Variants in PTPDC1 observed in about 807,000 individuals in gnomAD.
PTPDC1 encodes the protein protein tyrosine phosphatase domain-containing protein 1.
PTPDC1 carries 53 observed loss-of-function variants against 75.3 expected under a neutral mutation model. The observed-to-expected ratio is 0.70, with a 90% confidence interval of 0.56 to 0.88. The LOEUF (loss-of-function observed/expected upper bound fraction) is 0.88. Among genes scored for constraint, PTPDC1 ranks in the 40% least tolerant of loss-of-function variants. PTPDC1 has a pLI of 0.00. For missense variants in PTPDC1, 925 were observed against 998.6 expected (o/e 0.93, Z 0.99); for synonymous variants, 349 against 366.2 (o/e 0.95, Z 0.54).
chr9:94,087,785 T>G, intron 2 of PTPDC1, 46 bp from the exon 3 acceptor site: 2 of 1,387,648 alleles, frequency 1.4e-6, no homozygotes, highest in Non-Finnish European at 2.0e-6. Flanking sequence ...GGACTGGAAC[T>G]TCCTAGGTTT....
At chr9:94,073,605 C>T (rs1826586564) in intron 2 of PTPDC1, among the ~76,000 whole-genome samples, 1 of 152,036 alleles carries the variant, frequency 6.6e-6, no homozygotes, top group Non-Finnish European at 1.5e-5. Flanking sequence ...GACTTATGTT[C>T]TTATTTTTAT....
At chr9:94,056,448 A>G (rs1020123284) in intron 1 of PTPDC1, among the ~76,000 whole-genome samples, 2 of 152,226 alleles carry the variant, frequency 1.3e-5, no homozygotes, top group African/African-American at 4.8e-5. Flanking sequence ...AGAATGACCT[A>G]GAGTGTGAAT....
intron 2 of PTPDC1, among the ~76,000 whole-genome samples, chr9:94,074,398 C>G (rs1335818033): frequency 6.6e-6 from 1 of 152,102 alleles, no homozygotes; most frequent in Non-Finnish European, 1.5e-5. Flanking sequence ...GGGATAAGAT[C>G]AGCAACATGA....
intron 2 of PTPDC1, among the ~76,000 whole-genome samples, chr9:94,066,465 T>G (rs1826309804): frequency 6.6e-6 from 1 of 152,240 alleles, no homozygotes; most frequent in African/African-American, 2.4e-5. Context: ...AAAGTATTTA[T>G]TTTTAAAGGA....
In PTPDC1 at chr9:94,107,449, C is replaced by T. The variant is rs139652126; in HGVS notation, c.2311-379C>T. ...TCACTCTGACCCTGTCCAGAGTGGCCGTAGGGCCTCTCAGCAGGACGTATA... is the reference window on the plus strand; with the variant it reads ...TCACTCTGACCCTGTCCAGAGTGGCTGTAGGGCCTCTCAGCAGGACGTATA... On this transcript the variant is annotated intron_variant, in intron 8 of 8. Transcript: ENST00000620992. 5.3e-5 allele frequency among the ~76,000 whole-genome samples: 8 copies of T among 152,298 alleles called. No homozygotes were observed. The East Asian group carries it at 5.8e-4, about 11-fold the overall frequency.
chr9:94,043,896 G>A (rs531426639), intron 1 of PTPDC1, among the ~76,000 whole-genome samples: 1 of 152,278 alleles, frequency 6.6e-6, no homozygotes, highest in Admixed American at 6.5e-5. Flanking sequence ...CAGATGTCTT[G>A]CATCATTTGT....
chr9:94,094,833 C>T (rs150028569), intron 4 of PTPDC1, among the ~76,000 whole-genome samples: 11,513 of 152,270 alleles, frequency 0.076, 587 homozygotes, highest in East Asian at 0.14. Flanking sequence ...GGGAGTGACC[C>T]GACTTTCCAG....
At chr9:94,032,425 C>G (rs995216205) in intron 1 of PTPDC1, among the ~76,000 whole-genome samples, 1 of 152,110 alleles carries the variant, frequency 6.6e-6, no homozygotes, top group Non-Finnish European at 1.5e-5. Flanking sequence ...GGGGTTGTAC[C>G]CAAGGGGCTC....
chr9:94,084,329 A>G (rs7857049), upstream of PTPDC1: 24,663 of 541,072 alleles, frequency 0.046, 792 homozygotes, highest in Non-Finnish European at 0.061. Context: ...CCAAAATGCA[A>G]TCTGTTCATA....
At chr9:94,106,424 G>A (rs1828026813) in intron 8 of PTPDC1, among the ~76,000 whole-genome samples, 1 of 152,186 alleles carries the variant, frequency 6.6e-6, no homozygotes, top group Admixed American at 6.5e-5. Context: ...TGAAACATTG[G>A]AGTTTCCTAA....
chr9:94,076,256 A>T (rs1234474949), intron 2 of PTPDC1, among the ~76,000 whole-genome samples: 1 of 152,094 alleles, frequency 6.6e-6, no homozygotes, highest in Non-Finnish European at 1.5e-5. Context: ...CACCTGCCTC[A>T]GCCTCCCAAA....
At chr9:94,045,689 T>G (rs574675268) in intron 1 of PTPDC1, among the ~76,000 whole-genome samples, 3 of 152,220 alleles carry the variant, frequency 2.0e-5, no homozygotes, top group African/African-American at 7.2e-5. Flanking sequence ...TTTGACAGGG[T>G]TGTTTGTTTT....
intron 2 of PTPDC1, among the ~76,000 whole-genome samples, chr9:94,073,058 C>T (rs1826567931): frequency 1.3e-5 from 2 of 152,082 alleles, no homozygotes; most frequent in South Asian, 4.1e-4. Context: ...AATGTTCCTT[C>T]TTCTATTTTC....
chr9:94,063,685 T>G (rs148363462), intron 1 of PTPDC1, among the ~76,000 whole-genome samples: 13 of 152,306 alleles, frequency 8.5e-5, no homozygotes, highest in African/African-American at 3.1e-4. Flanking sequence ...GAACTTGAAA[T>G]TCTCAAAGAA....
At chr9:94,050,119 T>C (rs574484692) in intron 1 of PTPDC1, among the ~76,000 whole-genome samples, 1 of 105,894 alleles carries the variant, frequency 9.4e-6, no homozygotes, top group African/African-American at 3.0e-5. Context: ...ATTCATCTAA[T>C]TTTTTTTCAA....
intron 8 of PTPDC1, among the ~76,000 whole-genome samples, chr9:94,105,434 C>G (rs1171982551): frequency 6.6e-6 from 1 of 152,228 alleles, no homozygotes; most frequent in Non-Finnish European, 1.5e-5. Flanking sequence ...CTTTGGGAGG[C>G]TGAGATGGGT....
At chr9:94,091,109 C>T (rs1827299844) in intron 4 of PTPDC1, among the ~76,000 whole-genome samples, 1 of 151,566 alleles carries the variant, frequency 6.6e-6, no homozygotes, top group Admixed American at 6.6e-5. Flanking sequence ...CCAGAACTTC[C>T]AACACTATGT....
At chr9:94,042,102 A>C (rs1244662960) in intron 1 of PTPDC1, among the ~76,000 whole-genome samples, 1 of 152,184 alleles carries the variant, frequency 6.6e-6, no homozygotes, top group Non-Finnish European at 1.5e-5. Context: ...GTAACCTCCC[A>C]GTCCATAGTG....
intron 6 of PTPDC1, chr9:94,098,805 G>T (rs962287388): frequency 3.6e-6 from 2 of 555,542 alleles, no homozygotes; most frequent in African/African-American, 1.9e-5. Flanking sequence ...GAAAGCACTT[G>T]GTGTGATGCT....
Sources: gnomAD v4.1 joint callset for allele counts (sites outside exome capture counted in the v4.1 genomes callset) on GRCh38, gnomAD v4.1.1 for gene constraint, MANE v1.5 for transcripts, NCBI Gene and HGNC (gene_info 2026-07-23, HGNC 2026-07-21) for gene names.